Variants in SPAG16 observed in about 807,000 individuals in gnomAD.
SPAG16 encodes sperm associated antigen 16.
A neutral mutation model predicts 80.4 loss-of-function variants in SPAG16; 86 were observed. That is an observed-to-expected ratio of 1.07 (90% confidence interval 0.90 to 1.28). The LOEUF is 1.28. SPAG16 is among the 50% of genes most tolerant of loss of function. The probability of loss-of-function intolerance (pLI) is 0.00; values close to 1 mark genes in which losing one functional copy is unlikely to be tolerated. For missense variants in SPAG16, 870 were observed against 765.3 expected, an observed-to-expected ratio of 1.14 and a Z score of -1.61; for synonymous variants, 294 against 265.9, an observed-to-expected ratio of 1.11 and a Z score of -1.03.
intron 10 of SPAG16, among the ~76,000 whole-genome samples, chr2:213,645,643 C>G (rs61476874): frequency 6.6e-6 from 1 of 152,034 alleles, no homozygotes; most frequent in Non-Finnish European, 1.5e-5. Flanking sequence ...AAGTCCTCTC[C>G]CTTCTTCTCT....
intron 12 of SPAG16, among the ~76,000 whole-genome samples, chr2:213,944,846 T>C (rs538409262): frequency 4.6e-5 from 7 of 151,962 alleles, no homozygotes; most frequent in Non-Finnish European, 1.0e-4. Context: ...AAAAGAGACA[T>C]GAGATGGCGA....
intron 11 of SPAG16, among the ~76,000 whole-genome samples, chr2:213,869,126 A>G (rs2075827068): frequency 6.6e-6 from 1 of 150,836 alleles, no homozygotes; most frequent in African/African-American, 2.4e-5. Context: ...AGTGACAGGC[A>G]CCTGTAATCC....
intron 9 of SPAG16, among the ~76,000 whole-genome samples, chr2:213,481,522 G>A (rs2073748072): frequency 6.6e-6 from 1 of 152,102 alleles, no homozygotes; most frequent in Admixed American, 6.6e-5. Context: ...CTGTATTTTA[G>A]TAGCTACCCA....
At chr2:213,902,211 G>A (rs1401866059) in intron 11 of SPAG16, among the ~76,000 whole-genome samples, 1 of 152,202 alleles carries the variant, frequency 6.6e-6, no homozygotes, top group Non-Finnish European at 1.5e-5. Context: ...GAATAAAGAA[G>A]TAGGTAAAGC....
chr2:213,710,809 G>C (rs766185380), intron 10 of SPAG16, among the ~76,000 whole-genome samples: 1 of 152,158 alleles, frequency 6.6e-6, no homozygotes, highest in African/African-American at 2.4e-5. Context: ...GATGTTGACC[G>C]TGTGGTCAAT....
intron 12 of SPAG16, among the ~76,000 whole-genome samples, chr2:213,958,234 C>T (rs576599215): frequency 1.3e-5 from 2 of 152,222 alleles, no homozygotes; most frequent in South Asian, 2.1e-4. Context: ...GCACAAGTTC[C>T]GTGGAGTCTG....
intron 15 of SPAG16, among the ~76,000 whole-genome samples, chr2:214,344,315 G>T (rs766503837): frequency 7.2e-5 from 11 of 152,062 alleles, no homozygotes; most frequent in Admixed American, 7.2e-4. Flanking sequence ...GGCTTTCCTG[G>T]TACTACGGAA....
chr2:213,721,514 T>C lies in SPAG16; in HGVS notation c.1071-140971T>C, dbSNP rs575177472. ...AATGATACAATTTGAATTATAGATG[T>C]AATTGACAAATTTGTACTTTCATTG... On this transcript the variant is annotated intron_variant, in intron 10 of 15. Transcript: ENST00000331683. Among the ~76,000 whole-genome samples the C allele has an allele frequency of 5.3e-5, 8 of 152,370 alleles. No individual in the cohort carries two copies. In the South Asian group the frequency reaches 1.2e-3, roughly 24 times the overall value.
chr2:213,645,643 C>A (rs61476874), intron 10 of SPAG16, among the ~76,000 whole-genome samples: 3,946 of 152,146 alleles, frequency 0.026, 74 homozygotes, highest in African/African-American at 0.047. Context: ...AAGTCCTCTC[C>A]CTTCTTCTCT....
chr2:214,132,989 G>A (rs1279130408), intron 14 of SPAG16, among the ~76,000 whole-genome samples: 1 of 152,076 alleles, frequency 6.6e-6, no homozygotes, highest in Non-Finnish European at 1.5e-5. Context: ...CTACTGGGGA[G>A]GCTGAGGCAG....
chr2:213,923,699 G>A lies in SPAG16; in HGVS notation c.1215-6261G>A, dbSNP rs2078326834. On this transcript the variant is annotated intron_variant, in intron 11 of 15. Transcript: ENST00000331683. ...GAGTTCAACAAAAGTAGGACTGCTGGGCGGGAAGCTCTAGCACACATTGAT... is the reference window on the plus strand; with the variant it reads ...GAGTTCAACAAAAGTAGGACTGCTGAGCGGGAAGCTCTAGCACACATTGAT... Among the ~76,000 whole-genome samples, 5 of 152,304 alleles carry A rather than the reference G, an allele frequency of 3.3e-5. No homozygotes were observed. In the South Asian group the frequency reaches 1.0e-3, roughly 32 times the overall value.
chr2:213,885,734 C>T (rs12463610), intron 11 of SPAG16, among the ~76,000 whole-genome samples: 37,155 of 151,998 alleles, frequency 0.24, 5,150 homozygotes, highest in South Asian at 0.38. Context: ...TCATTTACAA[C>T]GTTTCACAAA....
chr2:213,702,528 G>A (rs1435608774), intron 10 of SPAG16, among the ~76,000 whole-genome samples: 1 of 152,010 alleles, frequency 6.6e-6, no homozygotes, highest in African/African-American at 2.4e-5. Context: ...ACGCCGCGAG[G>A]GTCCACAGCT....
intron 15 of SPAG16, among the ~76,000 whole-genome samples, chr2:214,294,640 A>G (rs1225738126): frequency 6.6e-6 from 1 of 152,230 alleles, no homozygotes; most frequent in Non-Finnish European, 1.5e-5. Context: ...CCTTAACTAT[A>G]GTTAATAATT....
chr2:214,409,531 A>T (rs542483792), intron 15 of SPAG16, among the ~76,000 whole-genome samples: 10 of 152,288 alleles, frequency 6.6e-5, no homozygotes, highest in Admixed American at 1.3e-4. Context: ...TGTAAAAAAA[A>T]TTTAATTTAT....
At chr2:214,298,365 T>C (rs1694308658) in intron 15 of SPAG16, among the ~76,000 whole-genome samples, 1 of 152,084 alleles carries the variant, frequency 6.6e-6, no homozygotes, top group Non-Finnish European at 1.5e-5. Flanking sequence ...CTAGGTATAA[T>C]ATCATGTCAG....
At chr2:213,890,127 A>G (rs2076730680) in intron 11 of SPAG16, among the ~76,000 whole-genome samples, 1 of 152,068 alleles carries the variant, frequency 6.6e-6, no homozygotes, top group African/African-American at 2.4e-5. Flanking sequence ...CTTTAAGTGA[A>G]TTAAGCAATT....
At chr2:213,426,938 C>T (rs1473186047) in intron 9 of SPAG16, among the ~76,000 whole-genome samples, 1 of 150,426 alleles carries the variant, frequency 6.6e-6, no homozygotes, top group African/African-American at 2.4e-5. Context: ...AATAAATAAC[C>T]AAAGTTTTTT....
intron 11 of SPAG16, among the ~76,000 whole-genome samples, chr2:213,922,688 C>T (rs1298498404): frequency 1.3e-5 from 2 of 151,970 alleles, no homozygotes; most frequent in African/African-American, 4.8e-5. Context: ...AGTTTCTGTC[C>T]TTTCAATTGA....
Sources: allele counts gnomAD v4.1 joint callset (sites outside exome capture counted in the v4.1 genomes callset), GRCh38; gene constraint gnomAD v4.1.1; transcripts MANE v1.5; gene names NCBI Gene and HGNC (gene_info 2026-07-23, HGNC 2026-07-21).